Variants in PHIP observed in about 807,000 individuals in gnomAD.
PHIP encodes PHIP subunit of CUL4-Ring ligase complex, also known as PH-interacting protein.
A neutral mutation model predicts 236.8 loss-of-function variants in PHIP; 54 were observed. The ratio of observed to expected loss-of-function variants is 0.23; its 90% CI spans 0.18 to 0.29. The LOEUF (loss-of-function observed/expected upper bound fraction) is 0.29. PHIP is among the 10% of genes least tolerant of loss of function. PHIP has a pLI of 1.00. For missense variants in PHIP, 1,370 were observed against 2,190.8 expected (o/e 0.63, Z 7.48); for synonymous variants, 756 against 718.9 (o/e 1.05, Z -0.83).
intron 4 of PHIP, among the ~76,000 whole-genome samples, chr6:79,075,666 C>T (rs529783477): frequency 3.6e-4 from 51 of 141,906 alleles, no homozygotes; most frequent in Non-Finnish European, 7.0e-4. Flanking sequence ...AATGATATTC[C>T]TACGAGGATT....
intron 7 of PHIP, among the ~76,000 whole-genome samples, chr6:79,028,289 G>C (rs1771503065): frequency 6.6e-6 from 1 of 152,142 alleles, no homozygotes; most frequent in South Asian, 2.1e-4. Flanking sequence ...GATCATACTT[G>C]TGTTTTCTAA....
At chr6:78,957,016 T>G (rs1010176856) in intron 32 of PHIP, 2 of 152,038 alleles carry the variant, frequency 1.3e-5, no homozygotes, top group African/African-American at 4.8e-5. Context: ...CTTAATATCT[T>G]GAAGACTATC....
At chr6:79,005,861 A>G (rs1011432516) in intron 15 of PHIP, among the ~76,000 whole-genome samples, 6 of 151,988 alleles carry the variant, frequency 3.9e-5, no homozygotes, top group Non-Finnish European at 7.4e-5. Context: ...CCTTGACCCT[A>G]TTATTTATCA....
intron 19 of PHIP, among the ~76,000 whole-genome samples, chr6:78,993,774 G>C (rs56735945): frequency 0.018 from 2,747 of 152,232 alleles, 89 homozygotes; most frequent in African/African-American, 0.062. Context: ...GGTGATTAGT[G>C]TTCTCTTCAT....
chr6:79,065,056 C>T (rs1773558236), intron 4 of PHIP, among the ~76,000 whole-genome samples: 1 of 152,154 alleles, frequency 6.6e-6, no homozygotes, highest in Non-Finnish European at 1.5e-5. Flanking sequence ...CTTCCTCCTT[C>T]CCATCATATT....
intron 7 of PHIP, among the ~76,000 whole-genome samples, chr6:79,026,705 T>C (rs1260035575): frequency 6.6e-6 from 1 of 151,978 alleles, no homozygotes; most frequent in Admixed American, 6.6e-5. Context: ...ATTACTTGTT[T>C]ACTCTGCCAT....
At chr6:79,036,661 G>A (rs1217755953) in intron 7 of PHIP, among the ~76,000 whole-genome samples, 1 of 151,986 alleles carries the variant, frequency 6.6e-6, no homozygotes, top group Non-Finnish European at 1.5e-5. Context: ...GGTGGCTCAC[G>A]CCAGTAATCC....
At chr6:79,020,411 A>G (rs1771059747) in intron 9 of PHIP, among the ~76,000 whole-genome samples, 1 of 152,200 alleles carries the variant, frequency 6.6e-6, no homozygotes, top group African/African-American at 2.4e-5. Flanking sequence ...AGAGAGACAG[A>G]TATTAGAACA....
At chr6:78,972,571 A>G (rs1174260795) in intron 24 of PHIP, among the ~76,000 whole-genome samples, 2 of 152,196 alleles carry the variant, frequency 1.3e-5, no homozygotes, top group African/African-American at 2.4e-5. Context: ...CAGACGATCA[A>G]ATTACTCTGA....
At chr6:79,076,877 C>T (rs1311283584) in intron 4 of PHIP, among the ~76,000 whole-genome samples, 1 of 151,432 alleles carries the variant, frequency 6.6e-6, no homozygotes, top group Non-Finnish European at 1.5e-5. Flanking sequence ...ATCCTTCCAA[C>T]AAAAAACCCA....
chr6:78,959,496 T>TA (rs555395932), intron 31 of PHIP, among the ~76,000 whole-genome samples: 1 of 152,096 alleles, frequency 6.6e-6, no homozygotes, highest in Non-Finnish European at 1.5e-5. Flanking sequence ...AGTAATAGTT[T>TA]AACAAGAGAT....
Position 78,965,946 on chromosome 6 carries a change from A to G in PHIP, c.3316T>C (p.Cys1106Arg). ...PDSLFQCYNV[C>R]WDNGDTEKMS... ...AAAATACAACAAATATTTCCTTACC[A>G]AACATTGTAGCATTGAAACAGACTA... Residue 1106 changes from cysteine to arginine, a missense_variant and splice_region_variant, in exon 28 of 40, where the codon TGC becomes CGC. By Grantham distance (180) the Cys-to-Arg change is radical (BLOSUM62 -3). Transcript: ENST00000275034. 1 of 1,595,016 alleles carries G rather than the reference A, an allele frequency of 6.3e-7. No individual in the cohort carries two copies. Among genetic ancestry groups the G allele is most frequent in the Non-Finnish European group, 8.6e-7 (1 of 1,162,606 alleles).
intron 7 of PHIP, among the ~76,000 whole-genome samples, chr6:79,030,103 A>T (rs375714983): frequency 1.3e-5 from 2 of 152,210 alleles, no homozygotes; most frequent in Admixed American, 6.5e-5. Flanking sequence ...AAGGTGTATG[A>T]AAGAAAAGGA....
chr6:79,047,611 C>G (rs1414898673), intron 6 of PHIP, among the ~76,000 whole-genome samples: 1 of 152,122 alleles, frequency 6.6e-6, no homozygotes. Context: ...TCGTTCTAAA[C>G]TTTAATTTCT....
intron 4 of PHIP, among the ~76,000 whole-genome samples, chr6:79,062,960 T>C (rs1473738255): frequency 1.3e-5 from 2 of 152,226 alleles, no homozygotes; most frequent in Admixed American, 1.3e-4. Context: ...CAGCACATTA[T>C]ACTCCTCGAA....
Position 79,060,772 on chromosome 6 carries a change from CAT to C in PHIP, c.234_235del (p.Ile78MetfsTer9). 6.2e-7 allele frequency: 1 copy of C among 1,612,836 alleles called. No individual in the cohort carries two copies. The highest frequency in any genetic ancestry group is 8.5e-7 in the Non-Finnish European group (1 of 1,178,920). On this transcript the variant is annotated frameshift_variant, in exon 5 of 40. Transcript: ENST00000275034. LOFTEE classifies it high-confidence loss of function. ...TTCAAGAAGAGGTCCTAGTCGATGA[CAT>C]ATTTGCAGCAAGTGATCAGGTGCTA...
chr6:79,039,527 A>C (rs375390728), intron 7 of PHIP, among the ~76,000 whole-genome samples: 10 of 152,232 alleles, frequency 6.6e-5, no homozygotes, highest in Non-Finnish European at 1.5e-4. Context: ...TTGTTTGTTT[A>C]CCATCTGTGA....
intron 4 of PHIP, chr6:79,067,815 T>C (rs2127777649): frequency 6.5e-6 from 1 of 153,210 alleles, no homozygotes; most frequent in South Asian, 2.1e-4. Context: ...TCATCCCTTT[T>C]CCAGATCACA....
At chr6:78,970,923 G>A (rs1206736948) in intron 24 of PHIP, 35 bp from the exon 25 acceptor site, 19 of 1,430,560 alleles carry the variant, frequency 1.3e-5, no homozygotes, top group Middle Eastern at 1.8e-4. Flanking sequence ...CAACCTGGAT[G>A]TGTTTCCTTT....
Sources: allele counts gnomAD v4.1 joint callset (sites outside exome capture counted in the v4.1 genomes callset), GRCh38; gene constraint gnomAD v4.1.1; transcripts MANE v1.5; gene names NCBI Gene and HGNC (gene_info 2026-07-23, HGNC 2026-07-21).